The following ALPK1 variants were observed in gnomAD, a reference collection of about 807,000 sequenced individuals.
ALPK1 encodes alpha-protein kinase 1.
ALPK1 carries 110 observed loss-of-function variants against 120.6 expected under a neutral mutation model. The ratio of observed to expected loss-of-function variants is 0.91; its 90% CI spans 0.78 to 1.07. ALPK1 has a LOEUF of 1.07. Among genes scored for constraint, ALPK1 ranks in the 50% least tolerant of loss-of-function variants. The pLI is 0.00. For synonymous variants in ALPK1, 582 were observed against 560.3 expected, an observed-to-expected ratio of 1.04 and a Z score of -0.55; for missense variants, 1,498 against 1,483.9, an observed-to-expected ratio of 1.01 and a Z score of -0.16.
intron 8 of ALPK1, among the ~76,000 whole-genome samples, chr4:112,426,798 C>A (rs10020092): frequency 0.21 from 31,629 of 152,096 alleles, 3,510 homozygotes; most frequent in Non-Finnish European, 0.25. Context: ...TTTATCTCTA[C>A]TGGTCCATTC....
chr4:112,432,167 C>G lies in ALPK1; in HGVS notation c.2620C>G (p.Leu874Val). The change falls in exon 11 of 16, where the codon CTG becomes GTG. Residue 874 changes from leucine (L) to valine (V), a missense_variant. Physicochemically the swap from Leu to Val is conservative, Grantham distance 32. Transcript: ENST00000650871. The part of the protein sequence containing the change: ...PCTNGHGSHR[L>V]CILRQPPGQR... ...CACAAATGGGCACGGCTCTCATAGA[C>G]TGTGCATTCTGAGACAGCCGCCTGG... is the stretch of plus-strand genomic sequence containing the variant. 6.2e-7 allele frequency: 1 copy of G among 1,614,218 alleles called. No individual in the cohort carries two copies. The highest frequency in any genetic ancestry group is 1.7e-5 in the Admixed American group (1 of 60,034).
chr4:112,358,738 CG>C (rs1414256142), intron 2 of ALPK1: 12 of 793,796 alleles, frequency 1.5e-5, no homozygotes, highest in Middle Eastern at 2.3e-4. Flanking sequence ...GTCAGCCACT[CG>C]GAGGAGCCCG....
chr4:112,373,380 G>T (rs188712776), intron 2 of ALPK1, among the ~76,000 whole-genome samples: 3 of 152,314 alleles, frequency 2.0e-5, no homozygotes, highest in East Asian at 3.9e-4. Flanking sequence ...TCCTAGGTAG[G>T]CAGGCTAATA....
At chr4:112,358,854 A>G (rs1730774493) in intron 2 of ALPK1, 2 of 788,354 alleles carry the variant, frequency 2.5e-6, no homozygotes, top group Admixed American at 1.7e-5. Context: ...GCAGGACCAC[A>G]AGGGTTCCGA....
At chr4:112,331,163 C>G (rs1340407959) in intron 2 of ALPK1, among the ~76,000 whole-genome samples, 1 of 152,176 alleles carries the variant, frequency 6.6e-6, no homozygotes, top group South Asian at 2.1e-4. Context: ...TAACCTTCAT[C>G]TTTGTCACCA....
intron 2 of ALPK1, among the ~76,000 whole-genome samples, chr4:112,328,446 T>A (rs1729212811): frequency 6.6e-6 from 1 of 152,222 alleles, no homozygotes; most frequent in Non-Finnish European, 1.5e-5. Flanking sequence ...GTCCAAAGTA[T>A]CCACATCTTT....
At chr4:112,382,357 C>A in intron 3 of ALPK1, 41 bp from the exon 4 acceptor site, 17 of 1,338,980 alleles carry the variant, frequency 1.3e-5, no homozygotes, top group East Asian at 3.3e-5. Flanking sequence ...ACAGCCTTTT[C>A]TTTGACTGCA....
intron 5 of ALPK1, chr4:112,412,373 A>G (rs1469334568): frequency 4.1e-6 from 2 of 489,894 alleles, no homozygotes; most frequent in Non-Finnish European, 8.0e-6. Context: ...AAAGCAGATT[A>G]GAATTCTACT....
In ALPK1 at chr4:112,328,151, T is replaced by A. The variant is rs374117201; in HGVS notation, c.-101+12299T>A. On this transcript the variant is annotated intron_variant, in intron 2 of 15. Transcript: ENST00000650871. ...ACAGGACTTAGTAAAGTCGATACAT[T>A]AATAAGTTCTCTTTATGACCACAGG... Among the ~76,000 whole-genome samples the A allele has an allele frequency of 2.6e-5, 4 of 152,258 alleles. No homozygotes were observed. In the East Asian group the frequency reaches 5.8e-4, roughly 22 times the overall value.
chr4:112,440,346 T>C (rs1040157919), intron 14 of ALPK1, among the ~76,000 whole-genome samples: 4 of 152,200 alleles, frequency 2.6e-5, no homozygotes, highest in Admixed American at 2.0e-4. Flanking sequence ...TTTTCAATTC[T>C]ACCTTAATAT....
intron 1 of ALPK1, among the ~76,000 whole-genome samples, chr4:112,312,598 A>G (rs1337321015): frequency 6.6e-6 from 1 of 152,220 alleles, no homozygotes; most frequent in Non-Finnish European, 1.5e-5. Flanking sequence ...TATTAAAGAC[A>G]AATACAGCAT....
chr4:112,369,653 A>G (rs900388626), intron 2 of ALPK1, among the ~76,000 whole-genome samples: 1 of 152,186 alleles, frequency 6.6e-6, no homozygotes, highest in Non-Finnish European at 1.5e-5. Flanking sequence ...ACTCCACTCC[A>G]GCCTGGGTGA....
intron 4 of ALPK1, among the ~76,000 whole-genome samples, chr4:112,403,772 C>G (rs748686200): frequency 1.3e-5 from 2 of 152,230 alleles, no homozygotes; most frequent in Non-Finnish European, 2.9e-5. Context: ...CCATCCTCCT[C>G]CAAGTCTACT....
intron 4 of ALPK1, 96 bp downstream of exon 4, chr4:112,382,648 A>G: frequency 6.5e-7 from 1 of 1,535,912 alleles, no homozygotes. Context: ...GAAGCACAAG[A>G]CAGCCCCCTA....
chr4:112,358,466 G>T, intron 2 of ALPK1: 5 of 663,300 alleles, frequency 7.5e-6, no homozygotes, highest in South Asian at 3.4e-5. Flanking sequence ...TAAGAGTCTC[G>T]ACCTGCACGT....
At chr4:112,341,871 G>A (rs945519346) in intron 2 of ALPK1, among the ~76,000 whole-genome samples, 4 of 152,158 alleles carry the variant, frequency 2.6e-5, no homozygotes, top group African/African-American at 7.2e-5. Flanking sequence ...AAGTCATAGC[G>A]TGTACAAAAA....
At chr4:112,302,022 G>A (rs1727810296) in intron 1 of ALPK1, among the ~76,000 whole-genome samples, 1 of 152,008 alleles carries the variant, frequency 6.6e-6, no homozygotes, top group Non-Finnish European at 1.5e-5. Context: ...TTCACATCCT[G>A]GAGCTTACAG....
At chr4:112,414,489 T>A (rs1733643188) in intron 5 of ALPK1, 1 of 332,522 alleles carries the variant, frequency 3.0e-6, no homozygotes, top group Non-Finnish European at 6.2e-6. Flanking sequence ...CCGCCTGTAA[T>A]CCCAGCTACT....
intron 1 of ALPK1, among the ~76,000 whole-genome samples, chr4:112,313,645 C>T (rs930562516): frequency 1.3e-5 from 2 of 152,170 alleles, no homozygotes; most frequent in African/African-American, 4.8e-5. Flanking sequence ...ATCGCTTGAA[C>T]ATGGGAGTTG....
Sources: gnomAD v4.1 joint callset for allele counts (sites outside exome capture counted in the v4.1 genomes callset) on GRCh38, gnomAD v4.1.1 for gene constraint, MANE v1.5 for transcripts, NCBI Gene and HGNC (gene_info 2026-07-23, HGNC 2026-07-21) for gene names.